PDE10A: variants seen among roughly 807,000 people sequenced by gnomAD.
PDE10A encodes phosphodiesterase 10A.
In PDE10A, 39 loss-of-function variants were observed where a neutral mutation model predicts 97.7. The observed-to-expected ratio is 0.40, with a 90% confidence interval of 0.31 to 0.52. The LOEUF is 0.52. Among genes scored for constraint, PDE10A ranks in the 20% least tolerant of loss-of-function variants. The pLI is 0.56. For synonymous variants in PDE10A, 371 were observed against 376.8 expected, an observed-to-expected ratio of 0.98 and a Z score of 0.18; for missense variants, 731 against 1,047.8, an observed-to-expected ratio of 0.70 and a Z score of 4.17.
intron 1 of PDE10A, among the ~76,000 whole-genome samples, chr6:165,891,830 C>T (rs1020799340): frequency 1.5e-4 from 23 of 152,116 alleles, no homozygotes; most frequent in African/African-American, 5.6e-4. Context: ...GTCTCATCTC[C>T]GTTCTAGGCA....
intron 1 of PDE10A, among the ~76,000 whole-genome samples, chr6:165,744,034 T>C (rs1031589874): frequency 1.5e-4 from 23 of 152,184 alleles, no homozygotes; most frequent in Non-Finnish European, 8.8e-5. Flanking sequence ...TTCCCCCTAA[T>C]GCCTCCTTTG....
chr6:165,419,381 T>C (rs1416938364), intron 10 of PDE10A, among the ~76,000 whole-genome samples: 2 of 152,232 alleles, frequency 1.3e-5, no homozygotes, highest in Non-Finnish European at 1.5e-5. Context: ...ATACAATTTA[T>C]ATGAATTGAT....
intron 3 of PDE10A, 92 bp downstream of exon 3, chr6:165,482,221 TTC>T: frequency 1.1e-6 from 1 of 882,786 alleles, no homozygotes; most frequent in South Asian, 1.3e-5. Flanking sequence ...GCCATAATCT[TTC>T]TGATACTTTA....
chr6:165,683,075 A>G (rs1241302701), intron 1 of PDE10A, among the ~76,000 whole-genome samples: 1 of 152,246 alleles, frequency 6.6e-6, no homozygotes, highest in Non-Finnish European at 1.5e-5. Context: ...CACAGCTCCT[A>G]GCACATGGTG....
intron 1 of PDE10A, among the ~76,000 whole-genome samples, chr6:165,789,924 T>A (rs1449552854): frequency 6.6e-6 from 1 of 152,152 alleles, no homozygotes. Context: ...TGTTTGTGGA[T>A]AAGAAAGAGA....
At chr6:165,914,517 C>T (rs1430066165) in intron 1 of PDE10A, among the ~76,000 whole-genome samples, 1 of 152,138 alleles carries the variant, frequency 6.6e-6, no homozygotes, top group Non-Finnish European at 1.5e-5. Context: ...GAAACAGAGA[C>T]ACAACCACTT....
chr6:165,558,864 A>G (rs1389983454), intron 1 of PDE10A, among the ~76,000 whole-genome samples: 1 of 152,218 alleles, frequency 6.6e-6, no homozygotes, highest in Non-Finnish European at 1.5e-5. Context: ...TGACGAGTTA[A>G]TGAGTGCAGC....
chr6:165,813,402 T>C (rs1183363565), intron 1 of PDE10A, among the ~76,000 whole-genome samples: 1 of 152,166 alleles, frequency 6.6e-6, no homozygotes, highest in Admixed American at 6.5e-5. Flanking sequence ...TATGGAGACA[T>C]GGAGACGTGA....
At chr6:165,705,076 C>T (rs981239597) in intron 1 of PDE10A, among the ~76,000 whole-genome samples, 11 of 152,330 alleles carry the variant, frequency 7.2e-5, no homozygotes, top group African/African-American at 2.4e-4. Context: ...TGTGGTACCA[C>T]CCGCCCCCAG....
intron 1 of PDE10A, among the ~76,000 whole-genome samples, chr6:165,727,182 C>G (rs1193183484): frequency 6.6e-6 from 1 of 152,226 alleles, no homozygotes; most frequent in Non-Finnish European, 1.5e-5. Context: ...CAGACAGCAG[C>G]AGCGACCACA....
intron 1 of PDE10A, among the ~76,000 whole-genome samples, chr6:165,815,518 A>T (rs894434678): frequency 2.0e-5 from 3 of 152,200 alleles, no homozygotes; most frequent in Non-Finnish European, 4.4e-5. Context: ...GAGTTACCTG[A>T]ATACCACCCA....
intron 1 of PDE10A, among the ~76,000 whole-genome samples, chr6:165,695,608 T>A (rs1791424359): frequency 1.3e-5 from 2 of 152,168 alleles, no homozygotes; most frequent in Admixed American, 1.3e-4. Context: ...GTGCAGGCTG[T>A]AAAACAGATA....
intron 1 of PDE10A, among the ~76,000 whole-genome samples, chr6:165,857,698 CGTGT>C (rs775208021): frequency 0.011 from 1,297 of 123,502 alleles, 7 homozygotes; most frequent in East Asian, 0.037. Context: ...TCAACAGTTC[CGTGT>C]GTGTGTGTGT....
At chr6:165,778,924 C>T (rs983114049) in intron 1 of PDE10A, among the ~76,000 whole-genome samples, 1 of 151,942 alleles carries the variant, frequency 6.6e-6, no homozygotes, top group African/African-American at 2.4e-5. Flanking sequence ...GTCCAAATCC[C>T]TTGTTGGTTA....
At chr6:165,603,060 T>C (rs1285284201) in intron 1 of PDE10A, among the ~76,000 whole-genome samples, 1 of 152,224 alleles carries the variant, frequency 6.6e-6, no homozygotes, top group Non-Finnish European at 1.5e-5. Flanking sequence ...ATAAATTTTA[T>C]TTTTTAAAAA....
chr6:165,807,760 C>T (rs773119285), intron 1 of PDE10A, among the ~76,000 whole-genome samples: 48 of 152,064 alleles, frequency 3.2e-4, no homozygotes, highest in East Asian at 3.9e-4. Flanking sequence ...GTTCACCTAA[C>T]GGAAAGGTCA....
At chr6:165,983,094 T>C (rs1785069850) in intron 1 of PDE10A, among the ~76,000 whole-genome samples, 1 of 133,384 alleles carries the variant, frequency 7.5e-6, no homozygotes, top group Non-Finnish European at 1.6e-5. Flanking sequence ...CACACACGAG[T>C]ACATGTGTCA....
intron 1 of PDE10A, among the ~76,000 whole-genome samples, chr6:165,707,187 C>T (rs1582964702): frequency 6.6e-6 from 1 of 152,176 alleles, no homozygotes; most frequent in Non-Finnish European, 1.5e-5. Context: ...GATCAGACTC[C>T]AAGTTTTGGT....
At chr6:165,517,991 C>T (rs1456715986) in intron 2 of PDE10A, among the ~76,000 whole-genome samples, 15 of 152,014 alleles carry the variant, frequency 9.9e-5, no homozygotes, top group Admixed American at 9.8e-4. Context: ...GAAGCAAACT[C>T]AAGGAAGTTA....
Sources: allele counts gnomAD v4.1 joint callset (sites outside exome capture counted in the v4.1 genomes callset), GRCh38; gene constraint gnomAD v4.1.1; transcripts MANE v1.5; gene names NCBI Gene and HGNC (gene_info 2026-07-23, HGNC 2026-07-21).